UBE2V2: variants seen among roughly 807,000 people sequenced by gnomAD.
UBE2V2 encodes the protein ubiquitin-conjugating enzyme E2 variant 2.
In UBE2V2, 9 loss-of-function variants were observed where a neutral mutation model predicts 17.2. That is an observed-to-expected ratio of 0.52 (90% CI 0.32 to 0.91). UBE2V2 has a LOEUF of 0.91. UBE2V2 is among the 40% of genes least tolerant of loss of function. UBE2V2 has a pLI of 0.04. For missense variants in UBE2V2, 133 were observed against 182.6 expected (o/e 0.73, Z 1.56); for synonymous variants, 61 against 57.5 (o/e 1.06, Z -0.28).
chr8:48,058,022 A>G (rs910755214), intron 3 of UBE2V2, among the ~76,000 whole-genome samples: 1 of 152,104 alleles, frequency 6.6e-6, no homozygotes, highest in Admixed American at 6.6e-5. Context: ...CTCCAGTACA[A>G]TGTTGAATGG....
intron 1 of UBE2V2, among the ~76,000 whole-genome samples, chr8:48,021,342 T>C (rs1317559838): frequency 1.3e-5 from 2 of 148,236 alleles, no homozygotes; most frequent in African/African-American, 5.0e-5. Flanking sequence ...AGTCTCGCTC[T>C]GTCGCCCACG....
rs377036718 is a variant in UBE2V2 at position 48,039,955 on chromosome 8, C to T, written c.17-3078C>T. On this transcript the variant is annotated intron_variant, in intron 1 of 3. Coordinates refer to ENST00000523111, the MANE Select transcript of UBE2V2 (RefSeq NM_003350.3). ...ATGTTGCCCAGGCTGGTTTCCAACT[C>T]CTGGGCTCAGTTGATTGGCCTACCT... 5.3e-5 allele frequency among the ~76,000 whole-genome samples: 8 copies of T among 152,026 alleles called. No individual in the cohort carries two copies. In the South Asian group the frequency reaches 1.0e-3, roughly 20 times the overall value.
At chr8:48,041,828 T>A (rs2091466159) in intron 1 of UBE2V2, 1 of 152,040 alleles carries the variant, frequency 6.6e-6, no homozygotes, top group Non-Finnish European at 1.5e-5. Flanking sequence ...AATTTCTCTC[T>A]TGTTGCCCAG....
chr8:48,055,458 A>G (rs1452996481), intron 3 of UBE2V2, among the ~76,000 whole-genome samples: 1 of 151,842 alleles, frequency 6.6e-6, no homozygotes, highest in Non-Finnish European at 1.5e-5. Flanking sequence ...ACCTCAGCCT[A>G]CCAAAGTGCT....
At chr8:48,016,022 C>A (rs1311784639) in intron 1 of UBE2V2, among the ~76,000 whole-genome samples, 1 of 151,988 alleles carries the variant, frequency 6.6e-6, no homozygotes, top group East Asian at 1.9e-4. Context: ...CTCAGGCTCC[C>A]TAGTAGCTGG....
chr8:48,040,985 C>T (rs1170635864), intron 1 of UBE2V2, among the ~76,000 whole-genome samples: 1 of 149,856 alleles, frequency 6.7e-6, no homozygotes, highest in Non-Finnish European at 1.5e-5. Flanking sequence ...CTGCCTCAGC[C>T]TCCCGAGTAG....
chr8:48,015,685 C>T (rs2091263687), intron 1 of UBE2V2, among the ~76,000 whole-genome samples: 1 of 152,242 alleles, frequency 6.6e-6, no homozygotes, highest in East Asian at 1.9e-4. Flanking sequence ...ACCACCATCT[C>T]CTGTCTACTT....
At chr8:48,017,658 C>T (rs1180082400) in intron 1 of UBE2V2, among the ~76,000 whole-genome samples, 1 of 152,036 alleles carries the variant, frequency 6.6e-6, no homozygotes, top group Non-Finnish European at 1.5e-5. Flanking sequence ...CAGGCGAGAG[C>T]CACCGCGCCT....
At chr8:48,059,517 T>A (rs1460073331) in intron 3 of UBE2V2, among the ~76,000 whole-genome samples, 1 of 151,944 alleles carries the variant, frequency 6.6e-6, no homozygotes, top group Non-Finnish European at 1.5e-5. Context: ...CAAGTGATTC[T>A]CCTGCCTCAG....
intron 1 of UBE2V2, among the ~76,000 whole-genome samples, chr8:48,033,771 A>G (rs1335946704): frequency 6.6e-6 from 1 of 152,034 alleles, no homozygotes; most frequent in Non-Finnish European, 1.5e-5. Context: ...TAGCCTGGGC[A>G]ACATGGCAAA....
chr8:48,027,863 T>C (rs1029952694), intron 1 of UBE2V2, among the ~76,000 whole-genome samples: 1 of 152,218 alleles, frequency 6.6e-6, no homozygotes, highest in South Asian at 2.1e-4. Flanking sequence ...ATTCATTTTT[T>C]TTTTGTTTTT....
rs567963414 is a variant in UBE2V2 at position 48,012,525 on chromosome 8, CTGGACCAA to C, written c.16+4056_16+4063del. Among the ~76,000 whole-genome samples, 18 of 152,172 alleles carry C rather than the reference CTGGACCAA, an allele frequency of 1.2e-4. No individual in the cohort carries two copies. In the East Asian group the frequency reaches 1.6e-3, roughly 13 times the overall value. On this transcript the variant is annotated intron_variant, in intron 1 of 3. Transcript: ENST00000523111. ...CCTGAGGTCGGGAGGTTGAGACCAGCTGGACCAACATGGAGAAACCATGTCTCTACTAA... is the reference window on the plus strand; with the variant it reads ...CCTGAGGTCGGGAGGTTGAGACCAGCCATGGAGAAACCATGTCTCTACTAA...
chr8:47,998,500 G>C, the UBE2V2 span, among the ~76,000 whole-genome samples: 2 of 151,930 alleles, frequency 1.3e-5, no homozygotes, highest in Non-Finnish European at 2.9e-5. Flanking sequence ...GAAACTGAGA[G>C]ACAGGCGGTC....
intron 1 of UBE2V2, among the ~76,000 whole-genome samples, chr8:48,017,814 T>G (rs913418206): frequency 6.6e-6 from 1 of 151,946 alleles, no homozygotes; most frequent in Non-Finnish European, 1.5e-5. Flanking sequence ...CATTGACTTT[T>G]CTTCCTGTTT....
chr8:48,011,411 C>T (rs2091230703), intron 1 of UBE2V2, among the ~76,000 whole-genome samples: 1 of 152,152 alleles, frequency 6.6e-6, no homozygotes. Flanking sequence ...CTGCTAACCT[C>T]AGGTAATCCA....
chr8:48,061,596 A>G lies in UBE2V2; in HGVS notation c.*768A>G, dbSNP rs1802593157. On this transcript the variant is annotated 3_prime_UTR_variant, in exon 4 of 4. Coordinates refer to ENST00000523111, the MANE Select transcript of UBE2V2 (RefSeq NM_003350.3). ...AGACTGTGCCATTTCTATTATGTTG[A>G]TGTATATGTACAGTACCTTGCCAGG... 1.3e-5 allele frequency: 2 copies of G among 152,616 alleles called. No individual in the cohort carries two copies. Among genetic ancestry groups the G allele is most frequent in the African/African-American group, 4.8e-5 (2 of 41,466 alleles). The allele number at this position is 152,616 out of a possible 1,614,324, so 9.5% of individuals were successfully genotyped here.
At chr8:48,032,855 T>C (rs2091393335) in intron 1 of UBE2V2, among the ~76,000 whole-genome samples, 1 of 152,200 alleles carries the variant, frequency 6.6e-6, no homozygotes, top group Non-Finnish European at 1.5e-5. Flanking sequence ...GGGTTGTAAC[T>C]GATGTTTTTG....
chr8:48,018,774 A>G, intron 1 of UBE2V2, among the ~76,000 whole-genome samples: 1 of 152,202 alleles, frequency 6.6e-6, no homozygotes, highest in South Asian at 2.1e-4. Flanking sequence ...CTGTTACTGT[A>G]GTACAACCTA....
intron 1 of UBE2V2, among the ~76,000 whole-genome samples, chr8:48,015,364 A>G (rs1053038059): frequency 6.6e-6 from 1 of 152,066 alleles, no homozygotes; most frequent in Non-Finnish European, 1.5e-5. Context: ...GCGACAGAGC[A>G]AGACACTGTG....
Sources: allele counts gnomAD v4.1 joint callset (sites outside exome capture counted in the v4.1 genomes callset), GRCh38; gene constraint gnomAD v4.1.1; transcripts MANE v1.5; gene names NCBI Gene and HGNC (gene_info 2026-07-23, HGNC 2026-07-21).